GALNT14: variants seen among roughly 807,000 people sequenced by gnomAD.
GALNT14 encodes UDP-GalNAc:polypeptide N-acetylgalactosaminyltransferase 14.
A neutral mutation model predicts 77.5 loss-of-function variants in GALNT14; 60 were observed. That is an observed-to-expected ratio of 0.77 (90% confidence interval 0.63 to 0.96). The LOEUF is 0.96. GALNT14 is among the 40% of genes least tolerant of loss of function. The pLI, the probability that GALNT14 is intolerant of heterozygous loss-of-function variation, is 0.00. For missense variants in GALNT14, 710 were observed against 731.0 expected (o/e 0.97, Z 0.33); for synonymous variants, 280 against 281.7 (o/e 0.99, Z 0.06).
intron 1 of GALNT14, among the ~76,000 whole-genome samples, chr2:31,115,327 T>C (rs753316217): frequency 1.3e-5 from 2 of 152,062 alleles, no homozygotes; most frequent in Non-Finnish European, 2.9e-5. Flanking sequence ...CCGAGGCAGA[T>C]GTTATCCACC....
At chr2:30,927,068 AGGAGAGACC>A (rs1276679758) in intron 11 of GALNT14, among the ~76,000 whole-genome samples, 1 of 152,150 alleles carries the variant, frequency 6.6e-6, no homozygotes, top group African/African-American at 2.4e-5. Flanking sequence ...AATGCAGCAG[AGGAGAGACC>A]GGGGATCAGG....
At chr2:30,985,125 A>T (rs909480890) in intron 2 of GALNT14, among the ~76,000 whole-genome samples, 7 of 148,454 alleles carry the variant, frequency 4.7e-5, no homozygotes, top group African/African-American at 1.7e-4. Context: ...AAATGTGTGG[A>T]GTAAAGGAAT....
At chr2:31,119,803 T>C (rs1023949057) in intron 1 of GALNT14, among the ~76,000 whole-genome samples, 2 of 152,194 alleles carry the variant, frequency 1.3e-5, no homozygotes, top group Non-Finnish European at 2.9e-5. Context: ...ACCCATCAAA[T>C]GGAAATAGCT....
At chr2:30,919,337 G>A (rs1411198792) in intron 13 of GALNT14, among the ~76,000 whole-genome samples, 1 of 152,208 alleles carries the variant, frequency 6.6e-6, no homozygotes, top group Non-Finnish European at 1.5e-5. Context: ...AGTCAGCCAA[G>A]AGAGGAAGGG....
chr2:31,045,088 C>T (rs952322855), intron 1 of GALNT14, among the ~76,000 whole-genome samples: 7 of 152,118 alleles, frequency 4.6e-5, no homozygotes. Flanking sequence ...AGAAGAATGA[C>T]CAGGCTGCTC....
intron 1 of GALNT14, among the ~76,000 whole-genome samples, chr2:31,105,294 C>G (rs1015795819): frequency 6.6e-6 from 1 of 152,202 alleles, no homozygotes; most frequent in African/African-American, 2.4e-5. Context: ...AAGCCAGCTC[C>G]TGTGTCCTTT....
chr2:31,045,726 G>C (rs996238366), intron 1 of GALNT14, among the ~76,000 whole-genome samples: 1 of 152,106 alleles, frequency 6.6e-6, no homozygotes, highest in African/African-American at 2.4e-5. Context: ...GCCTCCCAAA[G>C]TGCTGGGATT....
At chr2:31,050,530 T>C (rs902572444) in intron 1 of GALNT14, among the ~76,000 whole-genome samples, 2 of 152,040 alleles carry the variant, frequency 1.3e-5, no homozygotes, top group African/African-American at 4.8e-5. Context: ...AAATGCAACG[T>C]GGGGGCCTGG....
intron 1 of GALNT14, among the ~76,000 whole-genome samples, chr2:31,111,615 T>C (rs1677837616): frequency 1.3e-5 from 2 of 152,202 alleles, no homozygotes; most frequent in Non-Finnish European, 2.9e-5. Flanking sequence ...AGCTCAGCCC[T>C]GAACCCACCC....
intron 1 of GALNT14, among the ~76,000 whole-genome samples, chr2:31,054,533 G>A (rs1424774757): frequency 1.3e-5 from 2 of 152,202 alleles, no homozygotes; most frequent in Non-Finnish European, 2.9e-5. Context: ...CCAGAACCCA[G>A]CATAGCGCCT....
intron 2 of GALNT14, 23 bp from the exon 3 acceptor site, chr2:30,966,325 C>T (rs770018376): frequency 3.9e-6 from 6 of 1,544,358 alleles, no homozygotes; most frequent in Non-Finnish European, 5.4e-6. Flanking sequence ...AGGCACAGGG[C>T]AAGTGAGACC....
intron 2 of GALNT14, among the ~76,000 whole-genome samples, chr2:30,973,066 G>T (rs1348685266): frequency 6.6e-6 from 1 of 152,228 alleles, no homozygotes; most frequent in Non-Finnish European, 1.5e-5. Flanking sequence ...GCCACAAAGA[G>T]AAAATGAATG....
chr2:31,078,700 G>T (rs929143464), intron 1 of GALNT14, among the ~76,000 whole-genome samples: 2 of 152,200 alleles, frequency 1.3e-5, no homozygotes, highest in African/African-American at 4.8e-5. Flanking sequence ...GGGCCACACC[G>T]CATGCTCAGG....
chr2:31,131,757 C>G (rs1328897137), intron 1 of GALNT14, among the ~76,000 whole-genome samples: 1 of 152,154 alleles, frequency 6.6e-6, no homozygotes, highest in Non-Finnish European at 1.5e-5. Flanking sequence ...CCCACGGCAG[C>G]CTTATTCCGT....
At chr2:31,075,418 TA>T (rs1446433907) in intron 1 of GALNT14, among the ~76,000 whole-genome samples, 4 of 152,214 alleles carry the variant, frequency 2.6e-5, no homozygotes, top group Non-Finnish European at 5.9e-5. Context: ...TCCACCCACC[TA>T]GAAGCTGCTC....
the GALNT14 span, among the ~76,000 whole-genome samples, chr2:30,894,965 G>A: frequency 6.6e-6 from 1 of 152,216 alleles, no homozygotes; most frequent in Non-Finnish European, 1.5e-5. Flanking sequence ...AGGAGCACCT[G>A]ACTGTCCATT....
At chr2:30,931,957 C>T in intron 10 of GALNT14, 111 bp downstream of exon 10, 1 of 1,154,206 alleles carries the variant, frequency 8.7e-7, no homozygotes, top group East Asian at 3.1e-5. Flanking sequence ...CAGTTCAAAT[C>T]ACACAGGCAG....
chr2:30,969,676 G>A (rs531594330), intron 2 of GALNT14, among the ~76,000 whole-genome samples: 5 of 152,292 alleles, frequency 3.3e-5, no homozygotes, highest in African/African-American at 1.2e-4. Context: ...TTCCAGTCAT[G>A]GGCACAGAAC....
At chr2:31,062,579 T>C (rs1674673114) in intron 1 of GALNT14, among the ~76,000 whole-genome samples, 1 of 152,204 alleles carries the variant, frequency 6.6e-6, no homozygotes, top group East Asian at 1.9e-4. Context: ...ATATACCCAG[T>C]AAAGGGATTG....
Sources: gnomAD v4.1 joint callset for allele counts (sites outside exome capture counted in the v4.1 genomes callset) on GRCh38, gnomAD v4.1.1 for gene constraint, MANE v1.5 for transcripts, NCBI Gene and HGNC (gene_info 2026-07-23, HGNC 2026-07-21) for gene names.